The following MCU variants were observed in gnomAD, a reference collection of about 807,000 sequenced individuals.
The protein encoded by MCU is mitochondrial calcium uniporter.
In MCU, 12 loss-of-function variants were observed where a neutral mutation model predicts 45.2. That is an observed-to-expected ratio of 0.27 (90% CI 0.17 to 0.43). The LOEUF is 0.43. Ranked by LOEUF, MCU falls within the 20% of genes least tolerant of loss-of-function variation. The pLI is 1.00. For missense variants in MCU, 324 were observed against 436.7 expected, an observed-to-expected ratio of 0.74 and a Z score of 2.30; for synonymous variants, 160 against 165.1, an observed-to-expected ratio of 0.97 and a Z score of 0.24.
At chr10:72,825,886 G>A (rs769972981) in intron 1 of MCU, among the ~76,000 whole-genome samples, 39 of 152,158 alleles carry the variant, frequency 2.6e-4, no homozygotes, top group Admixed American at 1.2e-3. Flanking sequence ...TGAGAACTAA[G>A]ATTCAAGGTC....
intron 1 of MCU, among the ~76,000 whole-genome samples, chr10:72,707,841 T>A (rs1260182526): frequency 6.6e-6 from 1 of 152,088 alleles, no homozygotes; most frequent in Non-Finnish European, 1.5e-5. Flanking sequence ...TTAATTTTTA[T>A]TTTATTTATT....
intron 6 of MCU, among the ~76,000 whole-genome samples, chr10:72,876,453 T>C (rs748101880): frequency 3.3e-5 from 5 of 152,212 alleles, no homozygotes; most frequent in Non-Finnish European, 7.3e-5. Flanking sequence ...ACTCCTAATA[T>C]TGGACTAATC....
intron 1 of MCU, among the ~76,000 whole-genome samples, chr10:72,728,907 A>T (rs1843134971): frequency 2.0e-5 from 3 of 152,198 alleles, no homozygotes; most frequent in South Asian, 4.1e-4. Flanking sequence ...AGCATGAGGG[A>T]TCTAGCAAAG....
At chr10:72,883,439 G>A (rs1391396862) in intron 6 of MCU, among the ~76,000 whole-genome samples, 1 of 152,110 alleles carries the variant, frequency 6.6e-6, no homozygotes. Context: ...AATGGCTAAC[G>A]TCTTTTAAAC....
chr10:72,717,727 CCATAGAT>C (rs1842971863), intron 1 of MCU, among the ~76,000 whole-genome samples: 1 of 152,062 alleles, frequency 6.6e-6, no homozygotes, highest in African/African-American at 2.4e-5. Flanking sequence ...GTATCTAAGA[CCATAGAT>C]AGAAAGTATA....
intron 1 of MCU, among the ~76,000 whole-genome samples, chr10:72,733,403 G>A (rs1200949032): frequency 6.6e-6 from 1 of 152,112 alleles, no homozygotes; most frequent in Non-Finnish European, 1.5e-5. Context: ...GTTGCAGTGA[G>A]CTGAGATCGC....
intron 1 of MCU, chr10:72,730,654 T>A (rs1182247723): frequency 6.6e-6 from 1 of 152,208 alleles, no homozygotes; most frequent in Non-Finnish European, 1.5e-5. Context: ...AAAGCTTACA[T>A]GTGAACAGTC....
rs987411173 is a variant in MCU at position 72,724,424 on chromosome 10, G to A, written c.150+32123G>A. On this transcript the variant is annotated intron_variant, in intron 1 of 7. Coordinates refer to ENST00000373053, the MANE Select transcript of MCU (RefSeq NM_138357.3). ...TTCCTTAACTCTCATAGAGATGTTG[G>A]TCTTTTTCTTTGTAATTTGTGGGAG... is the stretch of plus-strand genomic sequence containing the variant. Among the ~76,000 whole-genome samples, 9 of 152,142 alleles carry A rather than the reference G, an allele frequency of 5.9e-5. No homozygotes were observed. In the South Asian group the frequency reaches 1.0e-3, roughly 17 times the overall value.
chr10:72,834,262 C>T (rs1264164893), intron 1 of MCU, 97 bp from the exon 2 acceptor site: 3 of 749,742 alleles, frequency 4.0e-6, no homozygotes, highest in Admixed American at 3.1e-5. Flanking sequence ...ATGCATATTA[C>T]TTAAGTAATC....
chr10:72,704,764 G>T (rs889083637), intron 1 of MCU, among the ~76,000 whole-genome samples: 2 of 146,638 alleles, frequency 1.4e-5, no homozygotes, highest in African/African-American at 5.1e-5. Context: ...GCCCAGGCTG[G>T]AGTGCAGTGG....
At chr10:72,834,660 G>A (rs1197985588) in intron 2 of MCU, among the ~76,000 whole-genome samples, 1 of 152,042 alleles carries the variant, frequency 6.6e-6, no homozygotes, top group Non-Finnish European at 1.5e-5. Flanking sequence ...TAGGTTAAAT[G>A]ATCATTTATC....
intron 1 of MCU, among the ~76,000 whole-genome samples, chr10:72,697,044 C>G (rs780884948): frequency 6.6e-6 from 1 of 152,078 alleles, no homozygotes; most frequent in Non-Finnish European, 1.5e-5. Flanking sequence ...TCAGATTCCA[C>G]ATTTGTTGGT....
At chr10:72,737,498 G>A (rs1401785009) in intron 1 of MCU, among the ~76,000 whole-genome samples, 5 of 151,716 alleles carry the variant, frequency 3.3e-5, no homozygotes, top group African/African-American at 9.7e-5. Context: ...GAAAGTTGGC[G>A]CGTTATTTCC....
At chr10:72,881,585 A>G (rs989140340) in intron 6 of MCU, among the ~76,000 whole-genome samples, 1 of 152,222 alleles carries the variant, frequency 6.6e-6, no homozygotes, top group African/African-American at 2.4e-5. Context: ...GAAGAGGGTA[A>G]ATAGGCTGGA....
At chr10:72,882,822 A>C (rs1487477375) in intron 6 of MCU, among the ~76,000 whole-genome samples, 1 of 152,238 alleles carries the variant, frequency 6.6e-6, no homozygotes, top group East Asian at 1.9e-4. Flanking sequence ...TCCCCTTTTG[A>C]AAGTCCCTAA....
At chr10:72,730,941 C>T (rs1443132458) in intron 1 of MCU, 3 of 152,200 alleles carry the variant, frequency 2.0e-5, no homozygotes, top group Middle Eastern at 3.4e-3. Context: ...TTAAGCCAGT[C>T]GGTTTTTAAA....
At chr10:72,839,468 A>G (rs181764010) in intron 2 of MCU, among the ~76,000 whole-genome samples, 1 of 152,252 alleles carries the variant, frequency 6.6e-6, no homozygotes, top group East Asian at 1.9e-4. Context: ...GGACTCATAC[A>G]ATATGTAGTC....
At chr10:72,719,756 T>TA (rs1842997301) in intron 1 of MCU, among the ~76,000 whole-genome samples, 1 of 152,324 alleles carries the variant, frequency 6.6e-6, no homozygotes, top group African/African-American at 2.4e-5. Context: ...AACATACAAT[T>TA]ATATTCTCTT....
rs1047151296 is a variant in MCU at position 72,848,395 on chromosome 10, A to G, written c.221-10782A>G. On this transcript the variant is annotated intron_variant, in intron 2 of 7. Coordinates refer to ENST00000373053, the MANE Select transcript of MCU (RefSeq NM_138357.3). ...ATTGTAACATGTCAGAAGGCATCAC[A>G]TGGTGAGGAAGTGTGCACAGAAGAC... Among the ~76,000 whole-genome samples, 5 of 152,268 alleles carry G rather than the reference A, an allele frequency of 3.3e-5. No individual in the cohort carries two copies. The South Asian group carries it at 6.2e-4, about 19-fold the overall frequency.
Sources: gnomAD v4.1 joint callset for allele counts (sites outside exome capture counted in the v4.1 genomes callset) on GRCh38, gnomAD v4.1.1 for gene constraint, MANE v1.5 for transcripts, NCBI Gene and HGNC (gene_info 2026-07-23, HGNC 2026-07-21) for gene names.